HTT-AS: variants seen among roughly 807,000 people sequenced by gnomAD.
The protein encoded by HTT-AS is HTT antisense RNA (head to head).
chr4:3,064,215 C>T (rs1375886381), intron 1 of HTT-AS, among the ~76,000 whole-genome samples: 1 of 151,612 alleles, frequency 6.6e-6, no homozygotes, highest in East Asian at 1.9e-4. Context: ...CCTGCCTCAG[C>T]CTCCTGAGCA....
intron 2 of HTT-AS, among the ~76,000 whole-genome samples, chr4:3,055,305 A>T (rs533865829): frequency 9.2e-5 from 14 of 152,194 alleles, no homozygotes; most frequent in Non-Finnish European, 2.1e-4. Flanking sequence ...CTAAAAAAAA[A>T]AAAAGTCTCA....
At chr4:3,048,602 C>G (rs1257519596), downstream of HTT-AS, among the ~76,000 whole-genome samples, 1 of 152,204 alleles carries the variant, frequency 6.6e-6, no homozygotes, top group Non-Finnish European at 1.5e-5. Context: ...TAATCTCCCA[C>G]AACTGAATCT....
At chr4:3,048,736 G>A (rs889148782), downstream of HTT-AS, among the ~76,000 whole-genome samples, 1 of 152,198 alleles carries the variant, frequency 6.6e-6, no homozygotes, top group South Asian at 2.1e-4. Flanking sequence ...AGTCTGTTGT[G>A]TAACTATAGC....
rs565285824 is a variant in HTT-AS at position 3,065,478 on chromosome 4, A to G, written n.114-1778T>C. On this transcript the variant is annotated intron_variant and non_coding_transcript_variant, in intron 1 of 2. Transcript: ENST00000664062. ...AGGCTGGTCTTGAACTCCCAACCTC[A>G]CGTACTGGGATTACCGGTGTGAGCC... Among the ~76,000 whole-genome samples the G allele has an allele frequency of 2.0e-5, 3 of 152,244 alleles. No individual in the cohort carries two copies. In the East Asian group the frequency reaches 5.8e-4, roughly 29 times the overall value.
intron 2 of HTT-AS, among the ~76,000 whole-genome samples, chr4:3,052,471 T>C (rs1305957410): frequency 6.6e-6 from 1 of 152,222 alleles, no homozygotes; most frequent in Non-Finnish European, 1.5e-5. Context: ...GTTTTACTCA[T>C]GAAACCCCAG....
At chr4:3,072,491 G>A (rs1047886046) in intron 1 of HTT-AS, among the ~76,000 whole-genome samples, 4 of 152,220 alleles carry the variant, frequency 2.6e-5, no homozygotes, top group African/African-American at 9.7e-5. Flanking sequence ...CACGGGGAGG[G>A]GTCATACAAG....
chr4:3,074,492 G>T (rs1712340232), exon 1 of HTT-AS: 3 of 247,658 alleles, frequency 1.2e-5, no homozygotes, highest in Middle Eastern at 1.2e-3. Context: ...CGGGTGGGGC[G>T]CTGCGCTGTC....
At chr4:3,057,325 A>G (rs77245839) in intron 2 of HTT-AS, among the ~76,000 whole-genome samples, 8,158 of 150,900 alleles carry the variant, frequency 0.054, 377 homozygotes, top group African/African-American at 0.12. Context: ...GAGCCACTGC[A>G]CCCCACCCTG....
At position 3,074,445 on chromosome 4, in the gene HTT-AS, G is replaced by T. The variant is rs1286784953; in HGVS notation, n.94C>A. The T allele has an allele frequency of 2.1e-5, 4 of 193,448 alleles. No homozygotes were observed. The Admixed American group carries it at 2.5e-4, about 12-fold the overall frequency. The allele number at this position is 193,448 out of a possible 1,614,324, so 12.0% of individuals were successfully genotyped here. ...CCTCACCCCATTACAGTCTCACCAC[G>T]CCCCGTCCCCTCTCCGTTGAGCCCC... is the stretch of plus-strand genomic sequence containing the variant. On this transcript the variant is annotated non_coding_transcript_exon_variant, in exon 1 of 3. Coordinates refer to ENST00000664062, the Ensembl canonical transcript of HTT-AS.
downstream of HTT-AS, among the ~76,000 whole-genome samples, chr4:3,047,077 C>G (rs369383103): frequency 9.2e-5 from 14 of 152,258 alleles, no homozygotes; most frequent in East Asian, 2.3e-3. Flanking sequence ...TTTGGGAGGC[C>G]GAGGTGGGCA....
chr4:3,060,313 A>G (rs749551775), intron 2 of HTT-AS, among the ~76,000 whole-genome samples: 10 of 151,904 alleles, frequency 6.6e-5, no homozygotes, highest in Non-Finnish European at 1.0e-4. Context: ...AGTCTACTAC[A>G]TTTACACATT....
intron 2 of HTT-AS, among the ~76,000 whole-genome samples, chr4:3,062,012 A>G (rs61114397): frequency 0.18 from 23,336 of 130,620 alleles, 2,924 homozygotes; most frequent in African/African-American, 0.36. Flanking sequence ...AAAAAAAAAA[A>G]AGAGAGAGAG....
intron 2 of HTT-AS, among the ~76,000 whole-genome samples, chr4:3,056,112 A>G (rs909350958): frequency 1.3e-5 from 2 of 152,220 alleles, no homozygotes; most frequent in African/African-American, 4.8e-5. Flanking sequence ...TCCAGCAGGT[A>G]CCTTACTTGT....
chr4:3,065,326 C>T (rs1254387636), intron 1 of HTT-AS, among the ~76,000 whole-genome samples: 3 of 151,932 alleles, frequency 2.0e-5, no homozygotes, highest in Non-Finnish European at 2.9e-5. Context: ...GCACGCCCCC[C>T]GCCTCCCAGG....
At chr4:3,049,955 CT>C (rs59444704) in intron 2 of HTT-AS, among the ~76,000 whole-genome samples, 44 of 130,286 alleles carry the variant, frequency 3.4e-4, no homozygotes, top group East Asian at 1.1e-3. Context: ...CACATATACA[CT>C]TTTTTTTTTT....
chr4:3,061,234 G>C (rs1375378556), intron 2 of HTT-AS, among the ~76,000 whole-genome samples: 1 of 152,196 alleles, frequency 6.6e-6, no homozygotes, highest in Non-Finnish European at 1.5e-5. Flanking sequence ...AGGGAGACAT[G>C]AGACGTCAAT....
chr4:3,058,205 AC>A (rs1205247441), intron 2 of HTT-AS, among the ~76,000 whole-genome samples: 1 of 151,594 alleles, frequency 6.6e-6, no homozygotes, highest in Non-Finnish European at 1.5e-5. Flanking sequence ...GCGTGCCTGT[AC>A]TCCCAGCTAC....
At chr4:3,048,250 C>A (rs1387622194), downstream of HTT-AS, among the ~76,000 whole-genome samples, 1 of 152,162 alleles carries the variant, frequency 6.6e-6, no homozygotes, top group Non-Finnish European at 1.5e-5. Flanking sequence ...AAACTTAGGG[C>A]CTTAGCACCA....
At chr4:3,053,507 T>C (rs1335749651) in intron 2 of HTT-AS, among the ~76,000 whole-genome samples, 3 of 152,008 alleles carry the variant, frequency 2.0e-5, no homozygotes, top group East Asian at 1.9e-4. Context: ...CACCCAAGTC[T>C]GGATGACAGA....
Sources: gnomAD v4.1 joint callset for allele counts (sites outside exome capture counted in the v4.1 genomes callset) on GRCh38, gnomAD v4.1.1 for gene constraint, MANE v1.5 for transcripts, NCBI Gene and HGNC (gene_info 2026-07-23, HGNC 2026-07-21) for gene names.